CKAP2: variants seen among roughly 807,000 people sequenced by gnomAD.
CKAP2 encodes the protein cytoskeleton associated protein 2, also known as cytoskeleton-associated protein 2.
Under a neutral mutation model 58.4 loss-of-function variants are expected in CKAP2, and 46 were observed. That is an observed-to-expected ratio of 0.79 (90% confidence interval 0.62 to 1.01). CKAP2 has a LOEUF of 1.01. CKAP2 is among the 50% of genes least tolerant of loss of function. The pLI is 0.00. For missense variants in CKAP2, 809 were observed against 796.4 expected, an observed-to-expected ratio of 1.02 and a Z score of -0.19; for synonymous variants, 293 against 280.9, an observed-to-expected ratio of 1.04 and a Z score of -0.43.
intron 5 of CKAP2, among the ~76,000 whole-genome samples, chr13:52,463,193 C>T (rs1958611542): frequency 1.3e-5 from 2 of 152,234 alleles, no homozygotes; most frequent in Admixed American, 6.5e-5. Flanking sequence ...CCACCTCGGC[C>T]TCCCAAAGTG....
intron 2 of CKAP2, among the ~76,000 whole-genome samples, chr13:52,460,213 A>G (rs1309869110): frequency 6.6e-6 from 1 of 152,110 alleles, no homozygotes; most frequent in Non-Finnish European, 1.5e-5. Context: ...GCATATGGTA[A>G]TTTTTGGATC....
Position 52,461,054 on chromosome 13 carries a change from T to A in CKAP2, c.232-4T>A. ...TAAACACTTTTCTTAAATAATTCTT[T>A]CAGGCTGATAAAGAAAACATGAAGA... On this transcript the variant is annotated splice_region_variant and splice_polypyrimidine_tract_variant and intron_variant, in intron 3 of 8. Coordinates refer to ENST00000258607, the MANE Select transcript of CKAP2 (RefSeq NM_018204.5). 6.2e-7 allele frequency: 1 copy of A among 1,600,324 alleles called. No individual in the cohort carries two copies. Among genetic ancestry groups the A allele is most frequent in the South Asian group, 1.1e-5 (1 of 88,280 alleles).
At chr13:52,469,745 C>T (rs562471483) in intron 7 of CKAP2, among the ~76,000 whole-genome samples, 21 of 150,560 alleles carry the variant, frequency 1.4e-4, no homozygotes, top group African/African-American at 4.6e-4. Context: ...TACAGGCGCC[C>T]GCCACCGCGC....
intron 7 of CKAP2, among the ~76,000 whole-genome samples, chr13:52,469,429 G>A (rs1416426497): frequency 1.3e-5 from 2 of 152,166 alleles, no homozygotes; most frequent in African/African-American, 4.8e-5. Context: ...GCTGGGGATA[G>A]TAGATGGAGA....
chr13:52,464,553 CAAAAA>C (rs66481844), intron 5 of CKAP2, among the ~76,000 whole-genome samples: 2 of 80,110 alleles, frequency 2.5e-5, no homozygotes, highest in Non-Finnish European at 4.7e-5. Context: ...AACTCCGTCT[CAAAAA>C]AAAAAAAAAA....
rs1445411170 is a variant in CKAP2 at position 52,476,136 on chromosome 13, T to C, written c.*995T>C. 7 of 152,232 alleles carry C rather than the reference T, an allele frequency of 4.6e-5. No homozygotes were observed. Among genetic ancestry groups the C allele is most frequent in the Admixed American group, 3.3e-4 (5 of 15,290 alleles). The allele number at this position is 152,232 out of a possible 1,614,324, so 9.4% of individuals were successfully genotyped here. A position where few individuals can be genotyped will look rare whatever the true frequency, so the allele number is the denominator to read the frequency against. ...TGTTTTGTAAGGTTCCAAACTAATA[T>C]GGCATATATCAACTCTACAGTTTCA... On this transcript the variant is annotated 3_prime_UTR_variant, in exon 9 of 9. Coordinates refer to ENST00000258607, the MANE Select transcript of CKAP2 (RefSeq NM_018204.5).
Position 52,471,124 on chromosome 13 carries a change from C to T in CKAP2, c.1547-2705C>T, listed in dbSNP as rs113064529. Among the ~76,000 whole-genome samples the T allele has an allele frequency of 5.1e-3, 775 of 151,896 alleles. 6 individuals carry two copies. Among genetic ancestry groups the T allele is most frequent in the African/African-American group, 0.017 (704 of 41,400 alleles). On this transcript the variant is annotated intron_variant, in intron 7 of 8. Coordinates refer to ENST00000258607, the MANE Select transcript of CKAP2 (RefSeq NM_018204.5). ...AGTGAGCCAAGATCGCACCACTGCACTCCAGCCTGGTGACAGAGTGAGACT... is the reference window on the plus strand; with the variant it reads ...AGTGAGCCAAGATCGCACCACTGCATTCCAGCCTGGTGACAGAGTGAGACT...
At chr13:52,459,436 C>T (rs1314104864) in intron 2 of CKAP2, among the ~76,000 whole-genome samples, 1 of 152,126 alleles carries the variant, frequency 6.6e-6, no homozygotes, top group African/African-American at 2.4e-5. Flanking sequence ...GATTCTCCTG[C>T]CTCAGCCTCC....
At chr13:52,468,374 C>A (rs1271155923) in intron 7 of CKAP2, 27 bp downstream of exon 7, 3 of 1,356,064 alleles carry the variant, frequency 2.2e-6, no homozygotes, top group African/African-American at 1.5e-5. Context: ...TTATTTCCTT[C>A]ATGTGAACTG....
At chr13:52,465,819 G>A in intron 6 of CKAP2, 1 of 406,664 alleles carries the variant, frequency 2.5e-6, no homozygotes, top group Non-Finnish European at 4.8e-6. Context: ...AAGCAAAAGG[G>A]ATTAAATTCG....
Position 52,456,622 on chromosome 13 carries a change from A to C in CKAP2, c.155+15A>C, listed in dbSNP as rs763774423. 7.0e-6 allele frequency: 11 copies of C among 1,577,462 alleles called. No individual in the cohort carries two copies. The highest frequency in any genetic ancestry group is 2.2e-5 in the East Asian group (1 of 44,632). ...ATGTTATCCAGGTAAGGTCAAGTTT[A>C]TTTCTTTTCACTTCTGTAAAATTGT... On this transcript the variant is annotated intron_variant, in intron 2 of 8. Coordinates refer to ENST00000258607, the MANE Select transcript of CKAP2 (RefSeq NM_018204.5).
intron 2 of CKAP2, among the ~76,000 whole-genome samples, chr13:52,457,980 T>G (rs895044519): frequency 1.4e-4 from 21 of 151,896 alleles, no homozygotes; most frequent in African/African-American, 5.1e-4. Context: ...GGGTAAAGAG[T>G]GTACAGATAT....
chr13:52,475,965 G>C lies in CKAP2; in HGVS notation c.*824G>C, dbSNP rs1958823115. 1 of 152,148 alleles carries C rather than the reference G, an allele frequency of 6.6e-6. No homozygotes were observed. Among genetic ancestry groups the C allele is most frequent in the Non-Finnish European group, 1.5e-5 (1 of 68,010 alleles). 9.4% of individuals were successfully genotyped at this position (152,148 alleles called of 1,614,324 possible). A position where few individuals can be genotyped will look rare whatever the true frequency, so the allele number is the denominator to read the frequency against. ...ATCATACTGAACAAATGTCATTCTA[G>C]TTTAGATAGCATTTCTAAGATAACT... On this transcript the variant is annotated 3_prime_UTR_variant, in exon 9 of 9. Transcript: ENST00000258607.
At chr13:52,472,698 G>A (rs974583306) in intron 7 of CKAP2, among the ~76,000 whole-genome samples, 4 of 152,046 alleles carry the variant, frequency 2.6e-5, no homozygotes, top group South Asian at 2.1e-4. Context: ...TGGATAAGAC[G>A]CTCCTAATAC....
intron 5 of CKAP2, among the ~76,000 whole-genome samples, chr13:52,463,044 T>C (rs1026812311): frequency 1.3e-5 from 2 of 152,170 alleles, no homozygotes; most frequent in Non-Finnish European, 2.9e-5. Flanking sequence ...TTGAAGCCCT[T>C]CTCCTGCCTC....
At chr13:52,457,828 T>G (rs1207814199) in intron 2 of CKAP2, among the ~76,000 whole-genome samples, 2 of 151,172 alleles carry the variant, frequency 1.3e-5, no homozygotes, top group Non-Finnish European at 2.9e-5. Context: ...CACTCCAGCC[T>G]GGGTGACAGA....
At chr13:52,464,291 G>C (rs1290217212) in intron 5 of CKAP2, among the ~76,000 whole-genome samples, 1 of 151,886 alleles carries the variant, frequency 6.6e-6, no homozygotes. Context: ...GGTGGCTCAC[G>C]CCTGTAATCC....
At chr13:52,463,607 A>G (rs139959760) in intron 5 of CKAP2, among the ~76,000 whole-genome samples, 128 of 152,224 alleles carry the variant, frequency 8.4e-4, no homozygotes, top group Non-Finnish European at 1.6e-3. Flanking sequence ...TTCAATCTCC[A>G]TCTATGATGT....
At chr13:52,474,833 G>C in intron 8 of CKAP2, 62 bp from the exon 9 acceptor site, 1 of 1,501,694 alleles carries the variant, frequency 6.7e-7, no homozygotes, top group South Asian at 1.3e-5. Flanking sequence ...TACATATCAT[G>C]AAAGTACAGA....
Sources: allele counts gnomAD v4.1 joint callset (sites outside exome capture counted in the v4.1 genomes callset), GRCh38; gene constraint gnomAD v4.1.1; transcripts MANE v1.5; gene names NCBI Gene and HGNC (gene_info 2026-07-23, HGNC 2026-07-21).